Variants in CRYL1 observed in about 807,000 individuals in gnomAD.
CRYL1 encodes the protein crystallin lambda 1.
CRYL1 carries 29 observed loss-of-function variants against 36.6 expected under a neutral mutation model. The observed-to-expected ratio is 0.79, with a 90% CI of 0.59 to 1.08. The LOEUF (loss-of-function observed/expected upper bound fraction) is 1.08. Ranked by LOEUF, CRYL1 falls within the 50% of genes least tolerant of loss-of-function variation. CRYL1 has a pLI of 0.00. For synonymous variants in CRYL1, 152 were observed against 151.5 expected, an observed-to-expected ratio of 1.00 and a Z score of -0.02; for missense variants, 411 against 407.9, an observed-to-expected ratio of 1.01 and a Z score of -0.06.
chr13:20,508,507 A>G (rs1419584141), intron 2 of CRYL1, among the ~76,000 whole-genome samples: 1 of 152,072 alleles, frequency 6.6e-6, no homozygotes, highest in East Asian at 1.9e-4. Context: ...ACCTCCATAA[A>G]ACCAAATATT....
At chr13:20,431,038 C>T (rs954877276) in intron 5 of CRYL1, 12 of 985,434 alleles carry the variant, frequency 1.2e-5, no homozygotes, top group Non-Finnish European at 1.3e-5. Context: ...GAGGCAACCG[C>T]GTGGCAAATG....
chr13:20,488,229 A>G (rs1398336087), intron 3 of CRYL1, among the ~76,000 whole-genome samples: 1 of 152,244 alleles, frequency 6.6e-6, no homozygotes, highest in Non-Finnish European at 1.5e-5. Context: ...TGTGCTCTTC[A>G]GAAGCAACTC....
chr13:20,465,474 T>C (rs1235566366), intron 3 of CRYL1, among the ~76,000 whole-genome samples: 1 of 152,188 alleles, frequency 6.6e-6, no homozygotes, highest in Non-Finnish European at 1.5e-5. Flanking sequence ...AGGAGTAATT[T>C]GGAGGTTAGG....
intron 2 of CRYL1, among the ~76,000 whole-genome samples, chr13:20,506,730 T>C (rs1219054281): frequency 6.6e-6 from 1 of 152,188 alleles, no homozygotes; most frequent in Non-Finnish European, 1.5e-5. Flanking sequence ...TGGAATTGGC[T>C]TTACAGGATA....
At chr13:20,456,480 A>C (rs1461022070) in intron 3 of CRYL1, among the ~76,000 whole-genome samples, 3 of 57,576 alleles carry the variant, frequency 5.2e-5, no homozygotes, top group African/African-American at 6.3e-5. Context: ...GTCTCAAAAC[A>C]AAAAAAAAAA....
chr13:20,430,554 C>T (rs761604010), intron 5 of CRYL1: 64 of 985,260 alleles, frequency 6.5e-5, no homozygotes, highest in East Asian at 1.1e-4. Context: ...CTCACCCCTC[C>T]GCCTGCCCTC....
chr13:20,483,746 G>A (rs937906378), intron 3 of CRYL1, among the ~76,000 whole-genome samples: 6 of 152,026 alleles, frequency 3.9e-5, no homozygotes, highest in Non-Finnish European at 7.4e-5. Flanking sequence ...TCACCATGTT[G>A]CTCAGGTTGG....
At chr13:20,500,250 G>C (rs1434339266) in intron 2 of CRYL1, among the ~76,000 whole-genome samples, 2 of 152,104 alleles carry the variant, frequency 1.3e-5, no homozygotes, top group Non-Finnish European at 2.9e-5. Context: ...CATCCTTTAA[G>C]TATCTTTTAA....
intron 3 of CRYL1, among the ~76,000 whole-genome samples, chr13:20,488,262 G>A (rs1036379745): frequency 4.6e-5 from 7 of 152,100 alleles, no homozygotes; most frequent in African/African-American, 1.4e-4. Flanking sequence ...CTGCAACTAC[G>A]GGTAGAAACA....
Position 20,404,205 on chromosome 13 carries a change from A to G in CRYL1, c.884T>C (p.Leu295Ser). The G allele has an allele frequency of 6.2e-7, 1 of 1,613,992 alleles. No individual in the cohort carries two copies. ...CMKVPDDPEH[L>S]AARRQWRDEC... The stretch of plus-strand genomic sequence containing the variant: ...GTCCCTCCACTGCCTCCTGGCAGCT[A>G]AGTGCTCCGGGTCATCAGGGACCTT... Residue 295 changes from leucine (L) to serine (S), a missense_variant, in exon 8 of 8, where the codon TTA becomes TCA. By Grantham distance (145) the Leu-to-Ser change is moderately radical (BLOSUM62 -2). Coordinates refer to ENST00000298248, the MANE Select transcript of CRYL1 (RefSeq NM_015974.3).
chr13:20,439,546 C>CAAAAAAAAAA, intron 4 of CRYL1, 47 bp downstream of exon 4: 1 of 693,696 alleles, frequency 1.4e-6, no homozygotes, highest in Non-Finnish European at 2.0e-6. Context: ...AAAAAAAACA[C>CAAAAAAAAAA]AGAATGAGAT....
At position 20,413,276 on chromosome 13, in the gene CRYL1, G is replaced by T. The variant is rs1162267933; in HGVS notation, c.739+6C>A. 7.0e-6 allele frequency: 11 copies of T among 1,578,246 alleles called. No homozygotes were observed. Among genetic ancestry groups the T allele is most frequent in the Non-Finnish European group, 9.6e-6 (11 of 1,149,572 alleles). ...TGGAATTCCCATCCTGGCCCCAGAT[G>T]CATACCTTCTGCATTGAGATGCATG... On this transcript the variant is annotated splice_donor_region_variant and intron_variant, in intron 6 of 7. Coordinates refer to ENST00000298248, the MANE Select transcript of CRYL1 (RefSeq NM_015974.3).
intron 1 of CRYL1, among the ~76,000 whole-genome samples, chr13:20,522,463 T>G (rs1269635390): frequency 6.6e-6 from 1 of 152,214 alleles, no homozygotes; most frequent in Admixed American, 6.5e-5. Context: ...ATGGGATGTT[T>G]TTCTTGATAT....
intron 3 of CRYL1, among the ~76,000 whole-genome samples, chr13:20,460,064 T>C (rs1188841163): frequency 6.6e-6 from 1 of 152,234 alleles, no homozygotes; most frequent in East Asian, 1.9e-4. Context: ...CTATTTTATA[T>C]CTTGTTCAGC....
intron 6 of CRYL1, among the ~76,000 whole-genome samples, chr13:20,411,978 T>C (rs111539784): frequency 0.013 from 1,914 of 152,320 alleles, 32 homozygotes; most frequent in African/African-American, 0.043. Flanking sequence ...GAAAATTGAC[T>C]GAACTATTAC....
At chr13:20,523,431 A>G (rs2034132239) in intron 1 of CRYL1, among the ~76,000 whole-genome samples, 1 of 152,196 alleles carries the variant, frequency 6.6e-6, no homozygotes, top group Non-Finnish European at 1.5e-5. Context: ...AGGTACTTTC[A>G]AGATGAAATC....
rs1178204553 is a variant in CRYL1, at chr13:20,415,689, C to T, written c.634-2302G>A. ...GAATTACAAAGCAAACGCTTGGCCT[C>T]GCCTGCCGCAGACTCCGCCCGCTTC... is the stretch of plus-strand genomic sequence containing the variant. On this transcript the variant is annotated intron_variant, in intron 5 of 7. Coordinates refer to ENST00000298248, the MANE Select transcript of CRYL1 (RefSeq NM_015974.3). The surrounding 1 kb of genome is among the most constrained non-coding windows in gnomAD (Gnocchi z 4.1). Among the ~76,000 whole-genome samples, 1 of 152,344 alleles carries T rather than the reference C, an allele frequency of 6.6e-6. No individual in the cohort carries two copies. Among genetic ancestry groups the T allele is most frequent in the South Asian group, 2.1e-4 (1 of 4,828 alleles).
At position 20,487,640 on chromosome 13, in the gene CRYL1, A is replaced by G. The variant is rs187764556; in HGVS notation, c.276+1730T>C. On this transcript the variant is annotated intron_variant, in intron 3 of 7. Transcript: ENST00000298248. The stretch of plus-strand genomic sequence containing the variant: ...TTAAAAACTAAACTCACGGCTGGGA[A>G]CAGTGGTTTATGCCTATAATCCAAG... Among the ~76,000 whole-genome samples, 39 of 152,272 alleles carry G rather than the reference A, an allele frequency of 2.6e-4. No homozygotes were observed. In the East Asian group the frequency reaches 6.7e-3, roughly 26 times the overall value.
chr13:20,449,287 G>T (rs2002801), intron 3 of CRYL1, among the ~76,000 whole-genome samples: 113,741 of 152,124 alleles, frequency 0.75, 42,887 homozygotes, highest in Admixed American at 0.81. Context: ...TAAAAGTAAA[G>T]GGACAACAAT....
Sources: gnomAD v4.1 joint callset for allele counts (sites outside exome capture counted in the v4.1 genomes callset) on GRCh38, gnomAD v4.1.1 for gene constraint, Gnocchi (gnomAD v3.1) non-coding constraint, MANE v1.5 for transcripts, NCBI Gene and HGNC (gene_info 2026-07-23, HGNC 2026-07-21) for gene names.